Variants in AP3D1 observed in about 807,000 individuals in gnomAD.
The protein encoded by AP3D1 is AP-3 complex subunit delta-1.
In AP3D1, 51 loss-of-function variants were observed where a neutral mutation model predicts 147.6. That is an observed-to-expected ratio of 0.35 (90% CI 0.28 to 0.44). AP3D1 has a LOEUF of 0.44. AP3D1 is among the 20% of genes least tolerant of loss of function. The pLI, the probability that AP3D1 is intolerant of heterozygous loss-of-function variation, is 1.00. For synonymous variants in AP3D1, 760 were observed against 663.0 expected (o/e 1.15, Z -2.25); for missense variants, 1,421 against 1,624.2 (o/e 0.87, Z 2.15).
At chr19:2,143,853 C>T (rs1599492193) in intron 1 of AP3D1, among the ~76,000 whole-genome samples, 3 of 152,000 alleles carry the variant, frequency 2.0e-5, no homozygotes, top group African/African-American at 7.2e-5. Context: ...TTTGGGAGGC[C>T]GAGGCGGGTG....
At position 2,115,612 on chromosome 19, in the gene AP3D1, C is replaced by A; in HGVS notation, c.2075G>T (p.Arg692Leu). The change falls in exon 19 of 32, where the codon CGG (arginine) becomes CTG (leucine). Residue 692 changes from arginine to leucine, a missense_variant and splice_region_variant. This residue lies in a region of AP3D1 where 791 missense variants were observed against 761.4 expected (regional missense o/e 1.04). Coordinates refer to ENST00000643116, the MANE Select transcript of AP3D1 (RefSeq NM_001261826.3). ...CTCCACGCCCGGGGTGTCCTGGTAC[C>A]GCTGCAAAGGCAACACCCAGGCGTT... ...YIKSSPSPQK[R>L]YQDTPGVEHI... 2 of 1,612,054 alleles carry A rather than the reference C, an allele frequency of 1.2e-6. No homozygotes were observed. Among genetic ancestry groups the A allele is most frequent in the Non-Finnish European group, 1.7e-6 (2 of 1,179,166 alleles).
chr19:2,109,610 C>T (rs2018209161), intron 29 of AP3D1: 5 of 527,606 alleles, frequency 9.5e-6, no homozygotes, highest in Non-Finnish European at 1.7e-5. Flanking sequence ...CCTGCTGGCT[C>T]CTTGGTCTCA....
At chr19:2,147,127 C>G (rs1392674653) in intron 1 of AP3D1, among the ~76,000 whole-genome samples, 3 of 152,052 alleles carry the variant, frequency 2.0e-5, no homozygotes, top group African/African-American at 7.2e-5. Context: ...GGTGGATCAC[C>G]TGAGGTCGGG....
rs2019144018 is a variant in AP3D1 at position 2,138,790 on chromosome 19, A to G, written c.97-76T>C. On this transcript the variant is annotated intron_variant, in intron 1 of 31. Coordinates refer to ENST00000643116, the MANE Select transcript of AP3D1 (RefSeq NM_001261826.3). ...GGAATAATGATTTCGGGCCAGGCAC[A>G]GTGGCTCACGCCTGTAATCCCAGCA... 2.8e-6 allele frequency: 3 copies of G among 1,066,072 alleles called. No individual in the cohort carries two copies. The South Asian group carries it at 3.7e-5, about 13-fold the overall frequency. The allele number at this position is 1,066,072 out of a possible 1,614,324, so 66.0% of individuals were successfully genotyped here. A position where few individuals can be genotyped will look rare whatever the true frequency, so the allele number is the denominator to read the frequency against.
intron 31 of AP3D1, among the ~76,000 whole-genome samples, chr19:2,106,672 G>A (rs2018118657): frequency 6.6e-6 from 1 of 152,190 alleles, no homozygotes. Context: ...CGATGGATGA[G>A]TGGACACACA....
intron 10 of AP3D1, among the ~76,000 whole-genome samples, 172 bp from the exon 11 acceptor site, chr19:2,123,578 G>C (rs1487748381): frequency 4.6e-5 from 7 of 152,170 alleles, no homozygotes; most frequent in African/African-American, 2.4e-5. Context: ...TGGAGACAAG[G>C]GAGGCCCTGC....
chr19:2,137,186 GC>G, intron 3 of AP3D1, 95 bp from the exon 4 acceptor site: 1 of 1,132,690 alleles, frequency 8.8e-7, no homozygotes, highest in Non-Finnish European at 1.3e-6. Context: ...GGCAGCGCCA[GC>G]CCAGAAGCAA....
chr19:2,161,719 TG>T (rs2019700170), intron 1 of AP3D1, among the ~76,000 whole-genome samples: 1 of 151,534 alleles, frequency 6.6e-6, no homozygotes, highest in Admixed American at 6.6e-5. Flanking sequence ...AAGGCTGAGG[TG>T]GGAATATAAC....
chr19:2,138,705 T>C lies in AP3D1; in HGVS notation c.106A>G (p.Ile36Val), dbSNP rs200421680. Reference protein sequence around the residue: ...RNHKEDEAKYISQCIDEIKQE... With the variant: ...RNHKEDEAKYVSQCIDEIKQE... ...TTGATCTCATCAATGCACTGAGATATGTATTTTGCCTATAATGGGGGATAA... is the reference window on the plus strand; with the variant it reads ...TTGATCTCATCAATGCACTGAGATACGTATTTTGCCTATAATGGGGGATAA... Residue 36 changes from isoleucine (I) to valine (V), a missense_variant, in exon 2 of 32, where the codon ATA (isoleucine) becomes GTA (valine). Coordinates refer to ENST00000643116, the MANE Select transcript of AP3D1 (RefSeq NM_001261826.3). 243 of 1,612,304 alleles carry C rather than the reference T, an allele frequency of 1.5e-4. No homozygotes were observed. Among genetic ancestry groups the C allele is most frequent in the Middle Eastern group, 3.3e-4 (2 of 6,082 alleles).
intron 8 of AP3D1, among the ~76,000 whole-genome samples, chr19:2,127,941 C>T (rs1318141639): frequency 6.6e-6 from 1 of 152,246 alleles, no homozygotes; most frequent in Non-Finnish European, 1.5e-5. Flanking sequence ...TGGCCACGCG[C>T]CATAGCCTAG....
At chr19:2,132,286 G>A (rs1019763670) in intron 5 of AP3D1, among the ~76,000 whole-genome samples, 185 bp downstream of exon 5, 3 of 152,194 alleles carry the variant, frequency 2.0e-5, no homozygotes, top group African/African-American at 4.8e-5. Flanking sequence ...CTTAAGACAC[G>A]CAGGAACCAA....
Position 2,137,044 on chromosome 19 carries a change from G to T in AP3D1, c.321C>A (p.Asp107Glu). ...TCTGATTGGTGGTCAGCATGATGAC[G>T]TCGGTGCCTTCGTGAAAGCTCTGGG... ...AASQSFHEGT[D>E]VIMLTTNQIR... is the part of the protein sequence containing the mutation. The change falls in exon 4 of 32, where the codon GAC becomes GAA. Residue 107 changes from aspartate (D) to glutamate (E), a missense_variant. Transcript: ENST00000643116. 6.3e-7 allele frequency: 1 copy of T among 1,596,130 alleles called. No homozygotes were observed. Among genetic ancestry groups the T allele is most frequent in the South Asian group, 1.1e-5 (1 of 87,922 alleles).
intron 26 of AP3D1, 176 bp downstream of exon 26, chr19:2,111,109 A>T: frequency 1.1e-6 from 1 of 940,028 alleles, no homozygotes; most frequent in East Asian, 2.6e-5. Flanking sequence ...GTCTCAGGGC[A>T]TGTCTCCAAC....
rs113189606 is a variant in AP3D1 at position 2,111,831 on chromosome 19, G to A, written c.2788-3C>T. On this transcript the variant is annotated splice_region_variant and splice_polypyrimidine_tract_variant and intron_variant, in intron 24 of 31. Coordinates refer to ENST00000643116, the MANE Select transcript of AP3D1 (RefSeq NM_001261826.3). ...TTCTTCTTAGGCTTGGGAGATTTCT[G>A]GAGCAAGAGGAGGGTCGGGTTCAGT... 7 of 1,613,598 alleles carry A rather than the reference G, an allele frequency of 4.3e-6. No homozygotes were observed. The highest frequency in any genetic ancestry group is 5.9e-6 in the Non-Finnish European group (7 of 1,179,952).
Position 2,129,361 on chromosome 19 carries a change from G to A in AP3D1, c.689C>T (p.Thr230Met), listed in dbSNP as rs757203485. ...SLAPLFFKLMTSSTNNWVLIK... is the reference protein window; with the variant it reads ...SLAPLFFKLMMSSTNNWVLIK... ...GAGGACCCAGTTGTTGGTGGAGGAC[G>A]TCATCAGCTTGAAAAAGAGCGGGGC... is the stretch of plus-strand genomic sequence containing the variant. Residue 230 changes from threonine (T) to methionine (M), a missense_variant, in exon 7 of 32, where the codon ACG becomes ATG. Coordinates refer to ENST00000643116, the MANE Select transcript of AP3D1 (RefSeq NM_001261826.3). The A allele has an allele frequency of 3.7e-6, 6 of 1,614,098 alleles. No individual in the cohort carries two copies. Among genetic ancestry groups the A allele is most frequent in the African/African-American group, 1.3e-5 (1 of 75,046 alleles).
chr19:2,102,189 G>A lies in AP3D1; in HGVS notation c.3632C>T (p.Thr1211Met), dbSNP rs776036627. 2.2e-5 allele frequency: 36 copies of A among 1,613,672 alleles called. No homozygotes were observed. The highest frequency in any genetic ancestry group is 1.1e-4 in the East Asian group (5 of 44,904). The change falls in exon 32 of 32, where the codon ACG (threonine) becomes ATG (methionine). Residue 1211 changes from threonine (T) to methionine (M), a missense_variant. Thr to Met is a moderately conservative substitution (Grantham distance 81). Transcript: ENST00000643116. ...LSNLLEEMKA[T>M]LAKC is the part of the protein sequence containing the mutation. ...AGGCAGCTCTCAACACTTGGCCAGC[G>A]TCGCCTTCATCTCTTCTAACAAGTT... is the stretch of plus-strand genomic sequence containing the variant.
rs2018868985 is a variant in AP3D1, at chr19:2,129,349, T to G, written c.701A>C (p.Asn234Thr). ...GATGATCTTGATGAGGACCCAGTTGTTGGTGGAGGACGTCATCAGCTTGAA... is the reference window on the plus strand; with the variant it reads ...GATGATCTTGATGAGGACCCAGTTGGTGGTGGAGGACGTCATCAGCTTGAA... ...LFFKLMTSST[N>T]NWVLIKIIKL... is the part of the protein sequence containing the mutation. Residue 234 changes from asparagine to threonine, a missense_variant, in exon 7 of 32, where the codon AAC becomes ACC. Asn to Thr is a moderately conservative substitution (Grantham distance 65). Around this residue, in one of 6 missense-constraint regions of AP3D1, gnomAD observed 292 missense variants for 412.0 expected, o/e 0.71. Coordinates refer to ENST00000643116, the MANE Select transcript of AP3D1 (RefSeq NM_001261826.3). 2 of 1,613,990 alleles carry G rather than the reference T, an allele frequency of 1.2e-6. No homozygotes were observed. The highest frequency in any genetic ancestry group is 1.7e-6 in the Non-Finnish European group (2 of 1,180,002).
rs780575228 is a variant in AP3D1, at chr19:2,110,728, C to A, written c.3154G>T (p.Val1052Leu). ...QGSSVHDGVP[V>L]PFQLPPGVSN... ...TCACCTGGGGGCAGCTGGAAAGGCA[C>A]GGGGACGCCATCGTGGACGGAGGAG... is the stretch of plus-strand genomic sequence containing the variant. The change falls in exon 27 of 32, where the codon GTG becomes TTG. Residue 1052 changes from valine to leucine, a missense_variant. Physicochemically the swap from Val to Leu is conservative, Grantham distance 32. This residue lies in a region of AP3D1 where 791 missense variants were observed against 761.4 expected (regional missense o/e 1.04). Transcript: ENST00000643116. 4 of 1,604,862 alleles carry A rather than the reference C, an allele frequency of 2.5e-6. No individual in the cohort carries two copies. Among genetic ancestry groups the A allele is most frequent in the East Asian group, 4.5e-5 (2 of 44,478 alleles).
intron 31 of AP3D1, among the ~76,000 whole-genome samples, chr19:2,105,053 G>A (rs1296097538): frequency 2.0e-5 from 3 of 152,162 alleles, no homozygotes; most frequent in Non-Finnish European, 4.4e-5. Context: ...GAAGATACAA[G>A]AAGGGCCCAG....
Sources: allele counts gnomAD v4.1 joint callset (sites outside exome capture counted in the v4.1 genomes callset), GRCh38; gene constraint gnomAD v4.1.1; regional missense constraint gnomAD v4.1.1; transcripts MANE v1.5; gene names NCBI Gene and HGNC (gene_info 2026-07-23, HGNC 2026-07-21).